The following MESD variants were observed in gnomAD, a reference collection of about 807,000 sequenced individuals.
The protein encoded by MESD is mesoderm development LRP chaperone, also known as LRP chaperone MESD.
In MESD, 7 loss-of-function variants were observed where a neutral mutation model predicts 12.9. The observed-to-expected ratio is 0.54, with a 90% CI of 0.31 to 1.02. MESD has a LOEUF of 1.02. Ranked by LOEUF, MESD falls within the 50% of genes least tolerant of loss-of-function variation. The probability of loss-of-function intolerance (pLI) is 0.05; values close to 1 mark genes in which losing one functional copy is unlikely to be tolerated. For missense variants in MESD, 342 were observed against 296.7 expected, an observed-to-expected ratio of 1.15 and a Z score of -1.12; for synonymous variants, 126 against 115.6, an observed-to-expected ratio of 1.09 and a Z score of -0.58.
chr15:80,973,601 C>CTTCTAA (rs1902338193), downstream of MESD, among the ~76,000 whole-genome samples: 1 of 152,168 alleles, frequency 6.6e-6, no homozygotes, highest in Non-Finnish European at 1.5e-5. Context: ...GGAATATGAA[C>CTTCTAA]TTCTAAGCAC....
intron 3 of MESD, among the ~76,000 whole-genome samples, chr15:80,954,458 G>C (rs1292839592): frequency 6.6e-6 from 1 of 152,210 alleles, no homozygotes; most frequent in Non-Finnish European, 1.5e-5. Flanking sequence ...GTAGGCGGCA[G>C]AGGTTTTCTC....
intron 3 of MESD, among the ~76,000 whole-genome samples, chr15:80,953,388 G>A (rs1901892045): frequency 6.6e-6 from 1 of 152,324 alleles, no homozygotes; most frequent in South Asian, 2.1e-4. Flanking sequence ...CCAGCTAGAC[G>A]CACAGCAAAA....
At chr15:80,979,835 G>A (rs905657152) in intron 2 of MESD, among the ~76,000 whole-genome samples, 2 of 152,218 alleles carry the variant, frequency 1.3e-5, no homozygotes, top group Non-Finnish European at 2.9e-5. Flanking sequence ...ATCTGTATCT[G>A]TTTTATATTC....
chr15:80,969,858 A>AAAC (rs1488464902), intron 3 of MESD, among the ~76,000 whole-genome samples: 1 of 152,256 alleles, frequency 6.6e-6, no homozygotes, highest in East Asian at 1.9e-4. Flanking sequence ...CTGTCTTAAA[A>AAAC]AACAACAACA....
At chr15:80,953,277 G>C (rs1901888864) in intron 3 of MESD, among the ~76,000 whole-genome samples, 1 of 152,188 alleles carries the variant, frequency 6.6e-6, no homozygotes, top group African/African-American at 2.4e-5. Context: ...GTGTGAAAGA[G>C]AGCACAGCCC....
At position 80,989,451 on chromosome 15, in the gene MESD, T is replaced by A. The variant is rs1893234611; in HGVS notation, c.213+128A>T. On this transcript the variant is annotated intron_variant, in intron 1 of 2. Transcript: ENST00000261758. The stretch of plus-strand genomic sequence containing the variant: ...GTCAACAGTGGCTTCAGTGGGTCAG[T>A]AAGGATTCAAGGCATGAGTAGAGGA... 4 of 1,143,266 alleles carry A rather than the reference T, an allele frequency of 3.5e-6. No homozygotes were observed. The African/African-American group carries it at 6.2e-5, about 18-fold the overall frequency. The allele number at this position is 1,143,266 out of a possible 1,614,324, so 70.8% of individuals were successfully genotyped here.
rs1438435528 is a variant in MESD, at chr15:80,978,615, C to G, written c.*604G>C. ...CTGACAGACACCAAGAGTTCTCTTA[C>G]TGATGAGTAAGATTCAAGTCAAAGA... On this transcript the variant is annotated 3_prime_UTR_variant, in exon 3 of 3. Transcript: ENST00000261758. The G allele has an allele frequency of 6.6e-6, 1 of 152,306 alleles. No homozygotes were observed. The highest frequency in any genetic ancestry group is 1.5e-5 in the Non-Finnish European group (1 of 68,148). The allele number at this position is 152,306 out of a possible 1,614,324, so 9.4% of individuals were successfully genotyped here. A position where few individuals can be genotyped will look rare whatever the true frequency, so the allele number is the denominator to read the frequency against.
downstream of MESD, among the ~76,000 whole-genome samples, chr15:80,972,835 A>G (rs1902319202): frequency 6.6e-6 from 1 of 152,222 alleles, no homozygotes; most frequent in Non-Finnish European, 1.5e-5. Context: ...AGCCTGGCCA[A>G]CATGGTGAAA....
At chr15:80,972,585 C>A (rs1387213939), downstream of MESD, among the ~76,000 whole-genome samples, 1 of 152,164 alleles carries the variant, frequency 6.6e-6, no homozygotes, top group Non-Finnish European at 1.5e-5. Flanking sequence ...GACTCAGGCA[C>A]GTGTAAGTAA....
rs200287653 is a variant in MESD, at chr15:80,982,096, C to T, written c.300G>A (p.Lys100=). 10 of 1,614,118 alleles carry T rather than the reference C, an allele frequency of 6.2e-6. No homozygotes were observed. The highest frequency in any genetic ancestry group is 1.7e-5 in the Admixed American group (1 of 60,014). The change falls in exon 2 of 3, where the codon AAG becomes AAA. Residue 100 remains lysine (K), a synonymous_variant. Transcript: ENST00000261758. Reference sequence around the variant, plus strand: ...TCGTCATTTTCAATATGCTTTCAGGCTTGCTTGGGTCTATCTTTGAGAAGT... The same window carrying T: ...TCGTCATTTTCAATATGCTTTCAGGTTTGCTTGGGTCTATCTTTGAGAAGT... The part of the protein sequence containing the change: ...PVDFSKIDPS[K]PESILKMTKK...
chr15:80,989,564 G>GCA lies in MESD; in HGVS notation c.213+14_213+15insTG. Reference sequence around the variant, plus strand: ...GCACAGAGAAGAGCCGGGAGGGTGTGCGCGCGCCGCGGACCTCCCATTGCT... The same window carrying GCA: ...GCACAGAGAAGAGCCGGGAGGGTGTGCACGCGCGCCGCGGACCTCCCATTGCT... On this transcript the variant is annotated intron_variant, in intron 1 of 2. Coordinates refer to ENST00000261758, the MANE Select transcript of MESD (RefSeq NM_015154.3). 2.5e-6 allele frequency: 4 copies of GCA among 1,610,736 alleles called. No individual in the cohort carries two copies. Among genetic ancestry groups the GCA allele is most frequent in the Non-Finnish European group, 3.4e-6 (4 of 1,178,142 alleles).
At chr15:80,983,174 T>C (rs1902629636) in intron 1 of MESD, among the ~76,000 whole-genome samples, 1 of 151,358 alleles carries the variant, frequency 6.6e-6, no homozygotes, top group Non-Finnish European at 1.5e-5. Context: ...GCCCAGGAGA[T>C]CAGGGCTGCA....
intron 3 of MESD, among the ~76,000 whole-genome samples, chr15:80,957,306 G>A (rs978333982): frequency 6.6e-6 from 1 of 152,100 alleles, no homozygotes; most frequent in African/African-American, 2.4e-5. Flanking sequence ...ATAAAGAGAG[G>A]ACAGAAAGAT....
At chr15:80,951,060 G>A (rs967865011) in intron 4 of MESD, 4 of 152,678 alleles carry the variant, frequency 2.6e-5, no homozygotes, top group African/African-American at 7.2e-5. Flanking sequence ...AAAGGCCAGA[G>A]TCACAGGAAG....
chr15:80,960,193 C>T (rs72740140), intron 3 of MESD, among the ~76,000 whole-genome samples: 6,420 of 152,038 alleles, frequency 0.042, 193 homozygotes, highest in Non-Finnish European at 0.064. Flanking sequence ...GAAAAAACCC[C>T]ATCTCTACAA....
downstream of MESD, chr15:80,946,706 G>A (rs1253323564): frequency 1.6e-5 from 8 of 501,484 alleles, no homozygotes; most frequent in African/African-American, 9.6e-5. Context: ...TAAACGCGGT[G>A]AGCCAAGTCC....
intron 3 of MESD, among the ~76,000 whole-genome samples, chr15:80,961,631 C>A (rs1262269136): frequency 6.6e-6 from 1 of 152,138 alleles, no homozygotes; most frequent in Admixed American, 6.5e-5. Context: ...AAAGAAAGAG[C>A]TACAGAAATG....
chr15:80,951,987 T>C (rs747500890), exon 4 of MESD: 5 of 333,746 alleles, frequency 1.5e-5, no homozygotes, highest in African/African-American at 6.5e-5. Context: ...GGGGTGTCCA[T>C]AAGAGCAGGT....
chr15:80,982,561 T>G (rs1457511527), intron 1 of MESD, among the ~76,000 whole-genome samples: 1 of 152,208 alleles, frequency 6.6e-6, no homozygotes, highest in Non-Finnish European at 1.5e-5. Flanking sequence ...AAATGTTAAG[T>G]GACAGAAGCC....
Sources: gnomAD v4.1 joint callset for allele counts (sites outside exome capture counted in the v4.1 genomes callset) on GRCh38, gnomAD v4.1.1 for gene constraint, MANE v1.5 for transcripts, NCBI Gene and HGNC (gene_info 2026-07-23, HGNC 2026-07-21) for gene names.